PIGY: variants seen among roughly 807,000 people sequenced by gnomAD.
PIGY encodes the protein phosphatidylinositol N-acetylglucosaminyltransferase subunit Y.
Under a neutral mutation model 4.1 loss-of-function variants are expected in PIGY, and 3 were observed. The observed-to-expected ratio is 0.73, with a 90% CI of 0.33 to 1.89. The LOEUF (loss-of-function observed/expected upper bound fraction) is 1.89, where lower values mean the gene tolerates loss of function less well. Among genes scored for constraint, PIGY ranks in the 40% most tolerant of loss-of-function variants. The pLI, the probability that PIGY is intolerant of heterozygous loss-of-function variation, is 0.08. For missense variants in PIGY, 78 were observed against 80.3 expected (o/e 0.97, Z 0.11); for synonymous variants, 33 against 31.4 (o/e 1.05, Z -0.18).
In PIGY at chr4:88,521,813, C is replaced by A. The variant is rs764649430; in HGVS notation, c.-24G>T. ...ATTCTTCTCTTCCACTTATTACCTGCCACTGTGTTTTAAAAGGTATATGGT... is the reference window on the plus strand; with the variant it reads ...ATTCTTCTCTTCCACTTATTACCTGACACTGTGTTTTAAAAGGTATATGGT... On this transcript the variant is annotated 5_prime_UTR_variant, in exon 2 of 2. Transcript: ENST00000527353. 1 of 1,599,476 alleles carries A rather than the reference C, an allele frequency of 6.3e-7. No homozygotes were observed. Among genetic ancestry groups the A allele is most frequent in the Non-Finnish European group, 8.5e-7 (1 of 1,172,230 alleles).
In PIGY at chr4:88,523,671, G is replaced by C. The variant is rs1403043452; in HGVS notation, c.-414C>G. 1 of 1,525,612 alleles carries C rather than the reference G, an allele frequency of 6.6e-7. No homozygotes were observed. The highest frequency in any genetic ancestry group is 8.8e-7 in the Non-Finnish European group (1 of 1,140,574). 94.5% of individuals were successfully genotyped at this position (1,525,612 alleles called of 1,614,324 possible). On this transcript the variant is annotated 5_prime_UTR_variant, in exon 1 of 2. Transcript: ENST00000527353. Reference sequence around the variant, plus strand: ...GCGCGCGCGTTCCCCGCAGCGCTGAGGCGAGCCTGCAGCGTGCTCCACTCA... The same window carrying C: ...GCGCGCGCGTTCCCCGCAGCGCTGACGCGAGCCTGCAGCGTGCTCCACTCA...
rs542305150 is a variant in PIGY at position 88,523,410 on chromosome 4, G to T, written c.-241+88C>A. The T allele has an allele frequency of 8.9e-6, 12 of 1,344,406 alleles. No homozygotes were observed. In the East Asian group the frequency reaches 2.8e-4, roughly 31 times the overall value. 83.3% of individuals were successfully genotyped at this position (1,344,406 alleles called of 1,614,324 possible). On this transcript the variant is annotated intron_variant, in intron 1 of 1. Coordinates refer to ENST00000527353, the MANE Select transcript of PIGY (RefSeq NM_001042616.3). The stretch of plus-strand genomic sequence containing the variant: ...GGAGAGTACCTGACCGACCTACAAG[G>T]CCCCAGTGGCTGCAAGAGGCCGCGG...
In PIGY at chr4:88,523,650, G is replaced by A. The variant is rs1258620020; in HGVS notation, c.-393C>T. 15 of 1,538,332 alleles carry A rather than the reference G, an allele frequency of 9.8e-6. No individual in the cohort carries two copies. The Middle Eastern group carries it at 6.0e-4, about 62-fold the overall frequency. ...TACGGGCGACCGCGGACGGCGGCGCGCGCGTTCCCCGCAGCGCTGAGGCGA... is the reference window on the plus strand; with the variant it reads ...TACGGGCGACCGCGGACGGCGGCGCACGCGTTCCCCGCAGCGCTGAGGCGA... On this transcript the variant is annotated 5_prime_UTR_variant, in exon 1 of 2. Coordinates refer to ENST00000527353, the MANE Select transcript of PIGY (RefSeq NM_001042616.3).
In PIGY at chr4:88,521,846, A is replaced by C. The variant is rs1384072370; in HGVS notation, c.-57T>G. On this transcript the variant is annotated 5_prime_UTR_variant, in exon 2 of 2. Transcript: ENST00000527353. ...TTTTAAAAGGTATATGGTATTAAGA[A>C]AAGTTGGCTGTTGCGTTTTTTTAAT... The C allele has an allele frequency of 7.0e-6, 11 of 1,566,866 alleles. No homozygotes were observed. The highest frequency in any genetic ancestry group is 9.5e-6 in the Non-Finnish European group (11 of 1,157,520).
In PIGY at chr4:88,521,090, G is replaced by A; in HGVS notation, c.*484C>T. ...AGGTAATTTTACAAACTCAGTTTTTGTAAGTACATGAAGTTTCTATTTGAT... is the reference window on the plus strand; with the variant it reads ...AGGTAATTTTACAAACTCAGTTTTTATAAGTACATGAAGTTTCTATTTGAT... On this transcript the variant is annotated 3_prime_UTR_variant, in exon 2 of 2. Coordinates refer to ENST00000527353, the MANE Select transcript of PIGY (RefSeq NM_001042616.3). 1 of 153,106 alleles carries A rather than the reference G, an allele frequency of 6.5e-6. No homozygotes were observed. Among genetic ancestry groups the A allele is most frequent in the African/African-American group, 2.4e-5 (1 of 41,444 alleles). 9.5% of individuals were successfully genotyped at this position (153,106 alleles called of 1,614,324 possible). A position where few individuals can be genotyped will look rare whatever the true frequency, so the allele number is the denominator to read the frequency against.
chr4:88,523,244 G>A (rs1742442817), intron 1 of PIGY, among the ~76,000 whole-genome samples: 2 of 152,216 alleles, frequency 1.3e-5, no homozygotes, highest in Non-Finnish European at 1.5e-5. Flanking sequence ...GCAGCCGGTC[G>A]CGAACCCTAA....
rs559639257 is a variant in PIGY, at chr4:88,521,893, G to A, written c.-104C>T. ...TAATTTTTTTAAATTATGAACTAGC[G>A]CTGCTCCACTTCTTCTTGCTTCTTA... On this transcript the variant is annotated 5_prime_UTR_variant, in exon 2 of 2. Coordinates refer to ENST00000527353, the MANE Select transcript of PIGY (RefSeq NM_001042616.3). The A allele has an allele frequency of 4.3e-5, 66 of 1,550,408 alleles. No individual in the cohort carries two copies. Among genetic ancestry groups the A allele is most frequent in the South Asian group, 8.4e-5 (7 of 83,638 alleles).
In PIGY at chr4:88,521,216, T is replaced by C. The variant is rs1742362264; in HGVS notation, c.*358A>G. 1 of 208,666 alleles carries C rather than the reference T, an allele frequency of 4.8e-6. No individual in the cohort carries two copies. Among genetic ancestry groups the C allele is most frequent in the Non-Finnish European group, 9.8e-6 (1 of 102,256 alleles). 12.9% of individuals were successfully genotyped at this position (208,666 alleles called of 1,614,324 possible). A position where few individuals can be genotyped will look rare whatever the true frequency, so the allele number is the denominator to read the frequency against. ...AATTATTTCAGTCATCCTTAACATG[T>C]GACTTTACCAAAGACCTTGAAGCTA... On this transcript the variant is annotated 3_prime_UTR_variant, in exon 2 of 2. Transcript: ENST00000527353.
At chr4:88,523,459 C>T (rs564387604) in intron 1 of PIGY, 39 bp downstream of exon 1, 6 of 1,548,142 alleles carry the variant, frequency 3.9e-6, no homozygotes, top group South Asian at 3.6e-5. Flanking sequence ...TTCCGCCCAC[C>T]GGGAGGCTGC....
At position 88,521,656 on chromosome 4, in the gene PIGY, A is replaced by G. The variant is rs767140678; in HGVS notation, c.134T>C (p.Leu45Pro). The change falls in exon 2 of 2, where the codon CTG becomes CCG. Residue 45 changes from leucine to proline, a missense_variant. Physicochemically the swap from Leu to Pro is moderately conservative, Grantham distance 98. Coordinates refer to ENST00000527353, the MANE Select transcript of PIGY (RefSeq NM_001042616.3). ...TSTASLCFYS[L>P]LLPITIPVYV... ...CACTGGTATGGTAATAGGCAAGAGC[A>G]GGCTGTAAAAGCAAAGGCTGGCTGT... 2 of 1,614,042 alleles carry G rather than the reference A, an allele frequency of 1.2e-6. No individual in the cohort carries two copies. The highest frequency in any genetic ancestry group is 1.7e-6 in the Non-Finnish European group (2 of 1,179,860).
At position 88,521,301 on chromosome 4, in the gene PIGY, T is replaced by C. The variant is rs1381059241; in HGVS notation, c.*273A>G. 2.5e-6 allele frequency: 1 copy of C among 397,892 alleles called. No homozygotes were observed. Among genetic ancestry groups the C allele is most frequent in the African/African-American group, 2.0e-5 (1 of 50,322 alleles). 24.6% of individuals were successfully genotyped at this position (397,892 alleles called of 1,614,324 possible). On this transcript the variant is annotated 3_prime_UTR_variant, in exon 2 of 2. Coordinates refer to ENST00000527353, the MANE Select transcript of PIGY (RefSeq NM_001042616.3). ...AGATGAATGGAATAAGAAATAGTCA[T>C]CACATGTCAATTAGGGATGTTCATC...
At position 88,522,286 on chromosome 4, in the gene PIGY, A is replaced by AT. The variant is rs375837261; in HGVS notation, c.-240-258dup. ...CACCTTATTCACAAGTTATTCCTTA[A>AT]TTTTTTTTCATACTAGTCAGAAAAG... On this transcript the variant is annotated intron_variant, in intron 1 of 1. Transcript: ENST00000527353. Among the ~76,000 whole-genome samples the AT allele has an allele frequency of 7.5e-3, 1,141 of 152,030 alleles. 13 individuals carry two copies. Among genetic ancestry groups the AT allele is most frequent in the African/African-American group, 0.026 (1,078 of 41,464 alleles).
At position 88,523,771 on chromosome 4, in the gene PIGY, G is replaced by C; in HGVS notation, c.-514C>G. ...TGGCCGAGCTCCCGGCTTCCCGTTCGTCCAGGCCAGCCGGGCAGGCCCCGC... is the reference window on the plus strand; with the variant it reads ...TGGCCGAGCTCCCGGCTTCCCGTTCCTCCAGGCCAGCCGGGCAGGCCCCGC... On this transcript the variant is annotated 5_prime_UTR_variant, in exon 1 of 2. Coordinates refer to ENST00000527353, the MANE Select transcript of PIGY (RefSeq NM_001042616.3). 2 of 1,356,358 alleles carry C rather than the reference G, an allele frequency of 1.5e-6. No homozygotes were observed. The highest frequency in any genetic ancestry group is 1.9e-6 in the Non-Finnish European group (2 of 1,046,718). 84.0% of individuals were successfully genotyped at this position (1,356,358 alleles called of 1,614,324 possible).
At chr4:88,523,088 G>T (rs372108080) in intron 1 of PIGY, among the ~76,000 whole-genome samples, 1 of 151,142 alleles carries the variant, frequency 6.6e-6, no homozygotes, top group African/African-American at 2.5e-5. Flanking sequence ...CAACGTAGGG[G>T]GCACCCTGTC....
intron 1 of PIGY, among the ~76,000 whole-genome samples, 194 bp from the exon 2 acceptor site, chr4:88,522,223 T>C (rs2149117861): frequency 6.6e-6 from 1 of 152,340 alleles, no homozygotes; most frequent in African/African-American, 2.4e-5. Context: ...AATCTATAAT[T>C]ATTCCCATTT....
chr4:88,521,942 C>T lies in PIGY; in HGVS notation c.-153G>A. The T allele has an allele frequency of 6.4e-7, 1 of 1,551,522 alleles. No homozygotes were observed. The highest frequency in any genetic ancestry group is 1.2e-5 in the South Asian group (1 of 84,018). On this transcript the variant is annotated 5_prime_UTR_variant, in exon 2 of 2. Coordinates refer to ENST00000527353, the MANE Select transcript of PIGY (RefSeq NM_001042616.3). ...TACTTTGACGTGTCATCCTAGCTGC[C>T]TGTGGTATCATATTAGGGATCCCAT...
At position 88,521,376 on chromosome 4, in the gene PIGY, T is replaced by C; in HGVS notation, c.*198A>G. The C allele has an allele frequency of 3.5e-6, 2 of 569,912 alleles. No individual in the cohort carries two copies. Among genetic ancestry groups the C allele is most frequent in the Admixed American group, 6.6e-5 (2 of 30,318 alleles). The allele number at this position is 569,912 out of a possible 1,614,324, so 35.3% of individuals were successfully genotyped here. A position where few individuals can be genotyped will look rare whatever the true frequency, so the allele number is the denominator to read the frequency against. ...TTTCTTCTGATACAGCAGTTATAAG[T>C]CAGAGCCTTCAAAAAACAAGGGCAG... On this transcript the variant is annotated 3_prime_UTR_variant, in exon 2 of 2. Transcript: ENST00000527353.
Position 88,521,757 on chromosome 4 carries a change from A to G in PIGY, c.33T>C (p.Leu11=). The G allele has an allele frequency of 6.2e-7, 1 of 1,613,518 alleles. No homozygotes were observed. The highest frequency in any genetic ancestry group is 1.3e-5 in the African/African-American group (1 of 75,054). Residue 11 remains leucine (L), a synonymous_variant, in exon 2 of 2, where the codon CTT becomes CTC. Coordinates refer to ENST00000527353, the MANE Select transcript of PIGY (RefSeq NM_001042616.3). The stretch of plus-strand genomic sequence containing the variant: ...GTCCTGCTAAAGAAACCAGTGGAAT[A>G]AGAACAGTCAACGTAGGAAGAGACA... MFLSLPTLTV[L]IPLVSLAGLF...
At position 88,521,406 on chromosome 4, in the gene PIGY, A is replaced by G; in HGVS notation, c.*168T>C. 1 of 618,650 alleles carries G rather than the reference A, an allele frequency of 1.6e-6. No individual in the cohort carries two copies. The allele number at this position is 618,650 out of a possible 1,614,324, so 38.3% of individuals were successfully genotyped here. On this transcript the variant is annotated 3_prime_UTR_variant, in exon 2 of 2. Coordinates refer to ENST00000527353, the MANE Select transcript of PIGY (RefSeq NM_001042616.3). ...GCCTTCAAAAAACAAGGGCAGAACA[A>G]GAGTACAATAAAAGAAGCATCTGCA...
Sources: allele counts gnomAD v4.1 joint callset (sites outside exome capture counted in the v4.1 genomes callset), GRCh38; gene constraint gnomAD v4.1.1; transcripts MANE v1.5; gene names NCBI Gene and HGNC (gene_info 2026-07-23, HGNC 2026-07-21).